The following ENTHD1 variants were observed in gnomAD, a reference collection of about 807,000 sequenced individuals.
ENTHD1 encodes the protein ENTH domain-containing protein 1.
In ENTHD1, 23 loss-of-function variants were observed where a neutral mutation model predicts 39.1. That is an observed-to-expected ratio of 0.59 (90% CI 0.42 to 0.83). The LOEUF is 0.83. Ranked by LOEUF, ENTHD1 falls within the 40% of genes least tolerant of loss-of-function variation. The pLI, the probability that ENTHD1 is intolerant of heterozygous loss-of-function variation, is 0.00. For synonymous variants in ENTHD1, 230 were observed against 258.2 expected (o/e 0.89, Z 1.05); for missense variants, 624 against 705.4 (o/e 0.88, Z 1.31).
chr22:39,768,037 A>G (rs1302964683), intron 5 of ENTHD1, among the ~76,000 whole-genome samples: 1 of 152,192 alleles, frequency 6.6e-6, no homozygotes, highest in Non-Finnish European at 1.5e-5. Flanking sequence ...TAATGATTTG[A>G]AATGGATAGT....
intron 6 of ENTHD1, among the ~76,000 whole-genome samples, chr22:39,758,221 T>C (rs1383523821): frequency 6.6e-6 from 1 of 152,134 alleles, no homozygotes. Flanking sequence ...AATAAAAACA[T>C]TTTATTTCTT....
chr22:39,815,379 G>A (rs1459225622), intron 5 of ENTHD1, among the ~76,000 whole-genome samples: 3 of 151,618 alleles, frequency 2.0e-5, no homozygotes, highest in Non-Finnish European at 4.4e-5. Context: ...GGAGGTAGAG[G>A]TTGCAGTGAG....
intron 3 of ENTHD1, among the ~76,000 whole-genome samples, chr22:39,859,180 G>C (rs1262753296): frequency 6.6e-6 from 1 of 152,158 alleles, no homozygotes; most frequent in Non-Finnish European, 1.5e-5. Flanking sequence ...CAGAATTAAA[G>C]ACAGTTAGAA....
chr22:39,773,583 G>T (rs2065344372), intron 5 of ENTHD1, among the ~76,000 whole-genome samples: 2 of 152,154 alleles, frequency 1.3e-5, no homozygotes, highest in South Asian at 4.1e-4. Flanking sequence ...TTATTGAATG[G>T]TAATTATACC....
At chr22:39,875,216 T>G (rs191255026) in intron 2 of ENTHD1, 2 of 918,120 alleles carry the variant, frequency 2.2e-6, no homozygotes, top group Admixed American at 9.0e-5. Flanking sequence ...AGCCAGAAAC[T>G]GAAGAACACA....
rs74278048 is a variant in ENTHD1, at chr22:39,833,430, G to T, written c.711+2410C>A. On this transcript the variant is annotated intron_variant, in intron 4 of 6. Coordinates refer to ENST00000325157, the MANE Select transcript of ENTHD1 (RefSeq NM_152512.4). Reference sequence around the variant, plus strand: ...CCAGATATTAGAAAACATAGACCAAGAATTTAAAATAAATTTACTAAACAT... The same window carrying T: ...CCAGATATTAGAAAACATAGACCAATAATTTAAAATAAATTTACTAAACAT... Among the ~76,000 whole-genome samples, 525 of 151,866 alleles carry T rather than the reference G, an allele frequency of 3.5e-3. 10 individuals are homozygous for T. In the East Asian group the frequency reaches 0.07, roughly 20 times the overall value.
chr22:39,836,394 T>C (rs2065908154), intron 3 of ENTHD1, among the ~76,000 whole-genome samples: 1 of 152,100 alleles, frequency 6.6e-6, no homozygotes, highest in Admixed American at 6.5e-5. Flanking sequence ...CTTAGTCATC[T>C]TTTCTAAAAA....
chr22:39,811,385 A>C (rs1042177471), intron 5 of ENTHD1, among the ~76,000 whole-genome samples: 1 of 152,212 alleles, frequency 6.6e-6, no homozygotes, highest in Admixed American at 6.5e-5. Context: ...AACCAAGGGT[A>C]AGGGAAGTGC....
rs535152138 is a variant in ENTHD1, at chr22:39,886,774, C to T, written c.349+626G>A. On this transcript the variant is annotated intron_variant, in intron 2 of 6. Transcript: ENST00000325157. Reference sequence around the variant, plus strand: ...CCTTTCCCTACTGCACCTCCTCTTCCGCCCCCGAAAGAATTATTTTATGAT... The same window carrying T: ...CCTTTCCCTACTGCACCTCCTCTTCTGCCCCCGAAAGAATTATTTTATGAT... Among the ~76,000 whole-genome samples, 94 of 152,228 alleles carry T rather than the reference C, an allele frequency of 6.2e-4. 1 individual carries two copies. Among genetic ancestry groups the T allele is most frequent in the African/African-American group, 1.7e-3 (69 of 41,554 alleles).
chr22:39,871,153 G>C (rs952843721), intron 2 of ENTHD1, among the ~76,000 whole-genome samples: 7 of 151,122 alleles, frequency 4.6e-5, no homozygotes, highest in African/African-American at 1.5e-4. Context: ...CGGGGCAATG[G>C]AGTGAGAGCC....
chr22:39,798,031 C>T lies in ENTHD1; in HGVS notation c.832+22962G>A, dbSNP rs557292263. Among the ~76,000 whole-genome samples the T allele has an allele frequency of 4.6e-5, 7 of 152,182 alleles. No individual in the cohort carries two copies. The East Asian group carries it at 1.2e-3, about 25-fold the overall frequency. ...ATTTTGTTAAATAGGTTTTCTATGC[C>T]TTTGGTCTCTTCACCTTCTTGAACA... On this transcript the variant is annotated intron_variant, in intron 5 of 6. Coordinates refer to ENST00000325157, the MANE Select transcript of ENTHD1 (RefSeq NM_152512.4).
intron 2 of ENTHD1, among the ~76,000 whole-genome samples, chr22:39,886,058 G>GT (rs137951): frequency 5.2e-4 from 77 of 147,958 alleles, no homozygotes; most frequent in Admixed American, 9.5e-4. Context: ...TCTCAATAAA[G>GT]TTTTTTTTTT....
intron 2 of ENTHD1, chr22:39,875,314 G>A: frequency 7.8e-7 from 1 of 1,282,848 alleles, no homozygotes; most frequent in Non-Finnish European, 9.8e-7. Context: ...CAGCCCGCTC[G>A]GGCCCGTTCG....
intron 3 of ENTHD1, among the ~76,000 whole-genome samples, chr22:39,847,500 A>G (rs1417161987): frequency 6.6e-6 from 1 of 151,760 alleles, no homozygotes; most frequent in African/African-American, 2.4e-5. Flanking sequence ...CGTGTACCCT[A>G]AAACTTAAAG....
intron 3 of ENTHD1, among the ~76,000 whole-genome samples, chr22:39,850,674 C>T (rs2146703818): frequency 6.6e-6 from 1 of 151,914 alleles, no homozygotes; most frequent in Admixed American, 6.5e-5. Context: ...GGAATTTATG[C>T]ACTCTATTTC....
chr22:39,846,251 A>AGTG, intron 3 of ENTHD1, among the ~76,000 whole-genome samples: 1 of 152,186 alleles, frequency 6.6e-6, no homozygotes, highest in African/African-American at 2.4e-5. Flanking sequence ...CCCAGATTAG[A>AGTG]GTGCAGTGGC....
intron 5 of ENTHD1, among the ~76,000 whole-genome samples, chr22:39,800,458 C>A (rs1451410708): frequency 6.6e-6 from 1 of 152,182 alleles, no homozygotes; most frequent in African/African-American, 2.4e-5. Flanking sequence ...CTGCAAGAAT[C>A]CTGCGTGTCT....
At chr22:39,801,500 T>C (rs765885479) in intron 5 of ENTHD1, among the ~76,000 whole-genome samples, 4 of 152,226 alleles carry the variant, frequency 2.6e-5, no homozygotes, top group African/African-American at 4.8e-5. Flanking sequence ...AAAGAGATAC[T>C]ACAAAATATT....
chr22:39,757,133 T>C (rs1457537780), intron 6 of ENTHD1, among the ~76,000 whole-genome samples: 1 of 152,216 alleles, frequency 6.6e-6, no homozygotes. Flanking sequence ...TCTCAACTTA[T>C]TTAGGTCTTT....
Sources: allele counts gnomAD v4.1 joint callset (sites outside exome capture counted in the v4.1 genomes callset), GRCh38; gene constraint gnomAD v4.1.1; transcripts MANE v1.5; gene names NCBI Gene and HGNC (gene_info 2026-07-23, HGNC 2026-07-21).